Variants in PCDHGB3 observed in about 807,000 individuals in gnomAD.
PCDHGB3 encodes the protein protocadherin gamma subfamily B, 3.
PCDHGB3 carries 40 observed loss-of-function variants against 59.2 expected under a neutral mutation model. The ratio of observed to expected loss-of-function variants is 0.68; its 90% CI spans 0.52 to 0.88. The LOEUF (loss-of-function observed/expected upper bound fraction) is 0.88, where lower values mean the gene tolerates loss of function less well. Among genes scored for constraint, PCDHGB3 ranks in the 40% least tolerant of loss-of-function variants. The probability of loss-of-function intolerance (pLI) is 0.00; values close to 1 mark genes in which losing one functional copy is unlikely to be tolerated. For synonymous variants in PCDHGB3, 581 were observed against 503.6 expected (o/e 1.15, Z -2.06); for missense variants, 1,309 against 1,187.9 (o/e 1.10, Z -1.50).
At chr5:141,452,792 A>AT (rs745523252) in intron 1 of PCDHGB3, among the ~76,000 whole-genome samples, 15 of 152,178 alleles carry the variant, frequency 9.9e-5, no homozygotes, top group Admixed American at 2.0e-4. Context: ...ACATACCATC[A>AT]TTTTTGCTGT....
chr5:141,471,046 C>CTTTT (rs1170588345), intron 1 of PCDHGB3, among the ~76,000 whole-genome samples: 3 of 113,278 alleles, frequency 2.6e-5, no homozygotes, highest in African/African-American at 7.1e-5. Flanking sequence ...CCCAAGCCCT[C>CTTTT]TTTTTTTTTT....
At chr5:141,395,347 C>T in intron 1 of PCDHGB3, 1 of 1,392,780 alleles carries the variant, frequency 7.2e-7, no homozygotes, top group Non-Finnish European at 9.5e-7. Flanking sequence ...TAAGGTGTAT[C>T]ACAGAGTTTT....
intron 1 of PCDHGB3, chr5:141,379,313 A>C (rs1053297201): frequency 4.6e-5 from 7 of 152,264 alleles, no homozygotes; most frequent in African/African-American, 1.7e-4. Flanking sequence ...CCTAAACAAG[A>C]GATCTAATCA....
rs370242892 is a variant in PCDHGB3 at position 141,420,225 on chromosome 5, C to A, written c.2415+47416C>A. On this transcript the variant is annotated intron_variant, in intron 1 of 3. Coordinates refer to ENST00000576222, the MANE Select transcript of PCDHGB3 (RefSeq NM_018924.5). ...CTCAACAAAGATAGCATGCTACTGGCTAGCATTTTAACTCCCAGCGTTGAA... is the reference window on the plus strand; with the variant it reads ...CTCAACAAAGATAGCATGCTACTGGATAGCATTTTAACTCCCAGCGTTGAA... 13 of 1,603,470 alleles carry A rather than the reference C, an allele frequency of 8.1e-6. No homozygotes were observed. In the African/African-American group the frequency reaches 1.7e-4, roughly 21 times the overall value.
At chr5:141,414,670 A>G in intron 1 of PCDHGB3, 1 of 1,613,894 alleles carries the variant, frequency 6.2e-7, no homozygotes. Context: ...GGCTGAAGAC[A>G]CCATCCAGGG....
chr5:141,505,528 C>T (rs746609783), intron 3 of PCDHGB3, 47 bp downstream of exon 3: 4 of 1,612,320 alleles, frequency 2.5e-6, no homozygotes, highest in Non-Finnish European at 3.4e-6. Context: ...ACCTGGGGTT[C>T]TGGGGTGCAT....
chr5:141,492,320 G>A (rs1001784912), intron 1 of PCDHGB3, among the ~76,000 whole-genome samples: 1 of 152,206 alleles, frequency 6.6e-6, no homozygotes. Flanking sequence ...CTCCTCGCAC[G>A]TGGGCTTACG....
chr5:141,482,530 C>CAAAAAAAAAAAAAAAAAA (rs3074545), intron 1 of PCDHGB3, among the ~76,000 whole-genome samples: 1 of 76,562 alleles, frequency 1.3e-5, no homozygotes, highest in Non-Finnish European at 2.6e-5. Flanking sequence ...GACAGACATG[C>CAAAAAAAAAAAAAAAAAA]AAAAAAAAAA....
At chr5:141,504,269 A>T (rs7715517) in intron 2 of PCDHGB3, among the ~76,000 whole-genome samples, 3,100 of 152,246 alleles carry the variant, frequency 0.02, 113 homozygotes, top group African/African-American at 0.07. Context: ...GTATTTTTTT[A>T]AATTATGAAT....
intron 2 of PCDHGB3, among the ~76,000 whole-genome samples, chr5:141,500,469 A>G (rs917974103): frequency 1.3e-5 from 2 of 152,052 alleles, no homozygotes; most frequent in East Asian, 1.9e-4. Context: ...TCGGCCTCCC[A>G]AAGTGCTGGG....
chr5:141,421,019 C>T, intron 1 of PCDHGB3: 1 of 516,402 alleles, frequency 1.9e-6, no homozygotes, highest in Non-Finnish European at 3.4e-6. Flanking sequence ...TGGGAAGCTG[C>T]GCGCCATTGA....
intron 1 of PCDHGB3, chr5:141,418,640 A>G (rs1042874136): frequency 1.2e-6 from 2 of 1,614,042 alleles, no homozygotes; most frequent in Non-Finnish European, 1.7e-6. Flanking sequence ...AGGCACCTCC[A>G]TCCTGAGAGT....
Position 141,487,256 on chromosome 5 carries a change from G to T in PCDHGB3, c.2416-7551G>T. On this transcript the variant is annotated intron_variant, in intron 1 of 3. Coordinates refer to ENST00000576222, the MANE Select transcript of PCDHGB3 (RefSeq NM_018924.5). This position sits in a 1 kb window ranked among gnomAD's most constrained non-coding sequence, Gnocchi z 5.0. Reference sequence around the variant, plus strand: ...ATCTCGTCTAACCCTCTACTTGGCTGTGTCCCTAGTGGCAATTTGCTTTGT... The same window carrying T: ...ATCTCGTCTAACCCTCTACTTGGCTTTGTCCCTAGTGGCAATTTGCTTTGT... The T allele has an allele frequency of 2.5e-6, 4 of 1,614,166 alleles. No homozygotes were observed. Among genetic ancestry groups the T allele is most frequent in the Non-Finnish European group, 2.5e-6 (3 of 1,180,032 alleles).
At chr5:141,385,964 C>T (rs1037246180) in intron 1 of PCDHGB3, 2 of 152,126 alleles carry the variant, frequency 1.3e-5, no homozygotes, top group South Asian at 2.1e-4. Context: ...TAAAGGCCAT[C>T]GGACAAAACC....
intron 1 of PCDHGB3, chr5:141,389,544 A>G (rs759523366): frequency 1.2e-6 from 2 of 1,613,260 alleles, no homozygotes; most frequent in Non-Finnish European, 1.7e-6. Context: ...GGACGACCGC[A>G]ACGACAATGC....
In PCDHGB3 at chr5:141,374,991, C is replaced by T. The variant is rs1470236717; in HGVS notation, c.2415+2182C>T. 4 of 1,614,036 alleles carry T rather than the reference C, an allele frequency of 2.5e-6. No individual in the cohort carries two copies. The Admixed American group carries it at 5.0e-5, about 20-fold the overall frequency. ...AATGTTTTGACTGGAGAAATTTCAACTTCTGCAAATCTAGACTATGAGGAC... is the reference window on the plus strand; with the variant it reads ...AATGTTTTGACTGGAGAAATTTCAATTTCTGCAAATCTAGACTATGAGGAC... On this transcript the variant is annotated intron_variant, in intron 1 of 3. Transcript: ENST00000576222.
At chr5:141,416,132 A>G (rs939839074) in intron 1 of PCDHGB3, 1 of 153,964 alleles carries the variant, frequency 6.5e-6, no homozygotes, top group Non-Finnish European at 1.4e-5. Flanking sequence ...ATATTTTTCA[A>G]TCTATACTTT....
Position 141,371,078 on chromosome 5 carries a change from C to A in PCDHGB3, c.684C>A (p.Ile228=), listed in dbSNP as rs776361776. Residue 228 remains isoleucine, a synonymous_variant, in exon 1 of 4, where the codon ATC becomes ATA. Transcript: ENST00000576222. ...CCTCCAGAAGCTGTACCACCCAGAT[C>A]AGGGTAATTGTCGCAGATGCAAATG... ...GEPSRSCTTQ[I]RVIVADANDN... 6.2e-7 allele frequency: 1 copy of A among 1,613,770 alleles called. No individual in the cohort carries two copies. The highest frequency in any genetic ancestry group is 1.3e-5 in the African/African-American group (1 of 74,940).
intron 1 of PCDHGB3, chr5:141,410,374 G>A: frequency 6.2e-7 from 1 of 1,613,976 alleles, no homozygotes; most frequent in Non-Finnish European, 8.5e-7. Flanking sequence ...CTGCTACTTG[G>A]GACTGCTTCC....
Sources: allele counts gnomAD v4.1 joint callset (sites outside exome capture counted in the v4.1 genomes callset), GRCh38; gene constraint gnomAD v4.1.1; non-coding constraint Gnocchi (gnomAD v3.1); transcripts MANE v1.5; gene names NCBI Gene and HGNC (gene_info 2026-07-23, HGNC 2026-07-21).